USHBP1: variants seen among roughly 807,000 people sequenced by gnomAD.
USHBP1 encodes USH1 protein network component harmonin binding protein 1.
USHBP1 carries 67 observed loss-of-function variants against 76.2 expected under a neutral mutation model. That is an observed-to-expected ratio of 0.88 (90% CI 0.72 to 1.08). The LOEUF (loss-of-function observed/expected upper bound fraction) is 1.08. USHBP1 is among the 50% of genes least tolerant of loss of function. The pLI is 0.00. For synonymous variants in USHBP1, 322 were observed against 362.2 expected (o/e 0.89, Z 1.26); for missense variants, 931 against 915.0 (o/e 1.02, Z -0.23).
intron 12 of USHBP1, 132 bp downstream of exon 12, chr19:17,251,450 C>T (rs2145577123): frequency 7.9e-7 from 1 of 1,270,522 alleles, no homozygotes; most frequent in Non-Finnish European, 1.1e-6. Flanking sequence ...AGGTGTGAGC[C>T]ACCACACCTG....
intron 12 of USHBP1, 106 bp downstream of exon 12, chr19:17,251,476 C>A: frequency 1.3e-6 from 2 of 1,487,420 alleles, no homozygotes; most frequent in Non-Finnish European, 1.8e-6. Context: ...TACTGCCTAT[C>A]TTGGGGCAGT....
chr19:17,262,128 GTAGCTGGGAT>G (rs1268968652), intron 4 of USHBP1, among the ~76,000 whole-genome samples: 1 of 151,840 alleles, frequency 6.6e-6, no homozygotes, highest in Non-Finnish European at 1.5e-5. Flanking sequence ...AGCCTCCTGA[GTAGCTGGGAT>G]TACAGGCCTA....
At position 17,262,565 on chromosome 19, in the gene USHBP1, G is replaced by T. The variant is rs756959688; in HGVS notation, c.629C>A (p.Thr210Lys). 1.9e-6 allele frequency: 3 copies of T among 1,606,250 alleles called. No individual in the cohort carries two copies. The highest frequency in any genetic ancestry group is 2.6e-6 in the Non-Finnish European group (3 of 1,174,904). Reference protein sequence around the residue: ...SLEAIRAEKETLQKEVQELQD... With the variant: ...SLEAIRAEKEKLQKEVQELQD... ...GGCCCCACTCACCTCTTTCTGCAGC[G>T]TCTCCTTCTCAGCTCGGATGGCCTC... is the stretch of plus-strand genomic sequence containing the variant. The change falls in exon 4 of 13, where the codon ACG (threonine) becomes AAG (lysine). Residue 210 changes from threonine (T) to lysine (K), a missense_variant. By Grantham distance (78) the Thr-to-Lys change is moderately conservative. Coordinates refer to ENST00000252597, the MANE Select transcript of USHBP1 (RefSeq NM_031941.4).
At position 17,256,687 on chromosome 19, in the gene USHBP1, T is replaced by C. The variant is rs1174118709; in HGVS notation, c.1254A>G (p.Pro418=). 1 of 1,614,120 alleles carries C rather than the reference T, an allele frequency of 6.2e-7. No individual in the cohort carries two copies. The highest frequency in any genetic ancestry group is 2.2e-5 in the East Asian group (1 of 44,888). ...TTCGGAGCTGGAAAGCCACTTCCTG[T>C]GGGGTGGGCTTATCCACACTGCTGC... is the stretch of plus-strand genomic sequence containing the variant. ...PEGSSVDKPT[P]QEVAFQLRSY... is the part of the protein sequence containing the mutation. The change falls in exon 9 of 13, where the codon CCA becomes CCG. Residue 418 remains proline, a synonymous_variant. Coordinates refer to ENST00000252597, the MANE Select transcript of USHBP1 (RefSeq NM_031941.4).
rs760789479 is a variant in USHBP1 at position 17,264,072 on chromosome 19, G to A, written c.133C>T (p.Pro45Ser). 9 of 1,613,756 alleles carry A rather than the reference G, an allele frequency of 5.6e-6. No individual in the cohort carries two copies. In the East Asian group the frequency reaches 6.7e-5, roughly 12 times the overall value. ...TGCTCCAGCCCGGAGCTCACCGGAGGTGGGGCAAAGCTGGGCTTGGAGCTC... is the reference window on the plus strand; with the variant it reads ...TGCTCCAGCCCGGAGCTCACCGGAGATGGGGCAAAGCTGGGCTTGGAGCTC... ...SGSSKPSFAP[P>S]PVSSGLEQLG... Residue 45 changes from proline to serine, a missense_variant, in exon 3 of 13, where the codon CCT becomes TCT. Coordinates refer to ENST00000252597, the MANE Select transcript of USHBP1 (RefSeq NM_031941.4).
At position 17,251,938 on chromosome 19, in the gene USHBP1, G is replaced by C; in HGVS notation, c.1772C>G (p.Ala591Gly). The C allele has an allele frequency of 6.5e-7, 1 of 1,546,926 alleles. No individual in the cohort carries two copies. The highest frequency in any genetic ancestry group is 8.7e-7 in the Non-Finnish European group (1 of 1,146,894). Residue 591 changes from alanine to glycine, a missense_variant, in exon 11 of 13, where the codon GCC becomes GGC. By Grantham distance (60) the Ala-to-Gly change is moderately conservative. Coordinates refer to ENST00000252597, the MANE Select transcript of USHBP1 (RefSeq NM_031941.4). ...GGTGAGCGATGCTGCCAGTTCCTGG[G>C]CTAACTTCTCTGGGTCCCAGGCTCT... ...VGRAWDPEKL[A>G]QELAASLTRT...
intron 7 of USHBP1, chr19:17,258,829 G>T (rs548433102): frequency 4.1e-6 from 1 of 243,754 alleles, no homozygotes; most frequent in East Asian, 1.3e-4. Flanking sequence ...CTCAGCTCTG[G>T]AAGCATGCAG....
chr19:17,261,337 C>CTTTCTT (rs747378053), intron 4 of USHBP1, among the ~76,000 whole-genome samples: 18,465 of 123,478 alleles, frequency 0.15, 1,536 homozygotes, highest in East Asian at 0.23. Context: ...TTCTTTCTTT[C>CTTTCTT]TTTTTTTTTT....
At chr19:17,259,458 G>T in intron 6 of USHBP1, 29 bp from the exon 7 acceptor site, 3 of 1,613,278 alleles carry the variant, frequency 1.9e-6, no homozygotes, top group East Asian at 2.2e-5. Context: ...AAGAGGGAAA[G>T]TCAGAGGCCT....
chr19:17,264,032 T>A lies in USHBP1; in HGVS notation c.173A>T (p.Glu58Val). 1 of 1,608,732 alleles carries A rather than the reference T, an allele frequency of 6.2e-7. No homozygotes were observed. Among genetic ancestry groups the A allele is most frequent in the Non-Finnish European group, 8.5e-7 (1 of 1,177,358 alleles). Residue 58 changes from glutamate (E) to valine (V), a missense_variant, in exon 3 of 13, where the codon GAG becomes GTG. Glu to Val is a moderately radical substitution (Grantham distance 121). Coordinates refer to ENST00000252597, the MANE Select transcript of USHBP1 (RefSeq NM_031941.4). ...SSGLEQLGPM[E>V]EVSGQGLGSR... The stretch of plus-strand genomic sequence containing the variant: ...TCCTAGGCCTTGGCCACTGACCTCC[T>A]CCATGGGGCCCAGCTGCTCCAGCCC...
At position 17,260,045 on chromosome 19, in the gene USHBP1, C is replaced by T. The variant is rs777134275; in HGVS notation, c.643-23G>A. Reference sequence around the variant, plus strand: ...AACCTGGGAAAGATGAGGGGGACGTCAGGCCTAGGGGCTCAAACCAACCAC... The same window carrying T: ...AACCTGGGAAAGATGAGGGGGACGTTAGGCCTAGGGGCTCAAACCAACCAC... On this transcript the variant is annotated intron_variant, in intron 4 of 12. Coordinates refer to ENST00000252597, the MANE Select transcript of USHBP1 (RefSeq NM_031941.4). 2.5e-6 allele frequency: 4 copies of T among 1,607,622 alleles called. No individual in the cohort carries two copies. In the Admixed American group the frequency reaches 6.7e-5, roughly 27 times the overall value.
In USHBP1 at chr19:17,250,413, C is replaced by T. The variant is rs149330279; in HGVS notation, c.1924G>A (p.Ala642Thr). 11 of 1,611,316 alleles carry T rather than the reference C, an allele frequency of 6.8e-6. No homozygotes were observed. Among genetic ancestry groups the T allele is most frequent in the African/African-American group, 2.7e-5 (2 of 74,916 alleles). The change falls in exon 13 of 13, where the codon GCC (alanine) becomes ACC (threonine). Residue 642 changes from alanine to threonine, a missense_variant and splice_region_variant. By Grantham distance (58) the Ala-to-Thr change is moderately conservative. Coordinates refer to ENST00000252597, the MANE Select transcript of USHBP1 (RefSeq NM_031941.4). Reference protein sequence around the residue: ...LNRDLCKAHSALVLAFRGAHR... With the variant: ...LNRDLCKAHSTLVLAFRGAHR... ...GCTCCTCGGAAGGCCAGGACCAGGG[C>T]GCTGGAAGGGGTGGGTGGCTGGGTC...
chr19:17,251,556 A>C, intron 12 of USHBP1, 26 bp downstream of exon 12: 1 of 1,611,356 alleles, frequency 6.2e-7, no homozygotes. Flanking sequence ...TGCCAGGGGG[A>C]TTGGGGGGAT....
At chr19:17,259,551 A>C in intron 6 of USHBP1, 45 bp downstream of exon 6, 2 of 1,601,904 alleles carry the variant, frequency 1.2e-6, no homozygotes, top group Non-Finnish European at 1.7e-6. Context: ...ACTCAGTTGG[A>C]GGAGGTGCCT....
Position 17,251,693 on chromosome 19 carries a change from AG to A in USHBP1, c.1810del (p.Leu604CysfsTer29), listed in dbSNP as rs2073554362. 6.2e-7 allele frequency: 1 copy of A among 1,613,394 alleles called. No individual in the cohort carries two copies. The highest frequency in any genetic ancestry group is 2.2e-5 in the East Asian group (1 of 44,880). ...LAASLTRTLD[L>X]QEQLQSLRRE... ...GCGCAGAGACTGCAGCTGCTCCTGC[AG>A]GTCCAGTGTCCTGTTGCGAAGGAGA... is the stretch of plus-strand genomic sequence containing the variant. On this transcript the variant is annotated frameshift_variant, in exon 12 of 13. Transcript: ENST00000252597. LOFTEE classifies it high-confidence loss of function.
intron 12 of USHBP1, among the ~76,000 whole-genome samples, chr19:17,251,166 G>GTTTTT (rs1315942809): frequency 4.5e-5 from 3 of 66,450 alleles, no homozygotes; most frequent in Non-Finnish European, 2.6e-5. Flanking sequence ...GGCCCAGCCT[G>GTTTTT]TTGTTTTTTT....
chr19:17,252,385 G>A (rs1400948696), intron 10 of USHBP1, among the ~76,000 whole-genome samples: 4 of 151,684 alleles, frequency 2.6e-5, no homozygotes, highest in East Asian at 3.9e-4. Flanking sequence ...TAGTAGAGAC[G>A]GAGTTTCACC....
At chr19:17,262,515 CAG>C in intron 4 of USHBP1, 35 bp downstream of exon 4, 7 of 1,565,428 alleles carry the variant, frequency 4.5e-6, no homozygotes, top group East Asian at 2.3e-5. Flanking sequence ...CTCCCTCAGA[CAG>C]AGAGCCACAT....
chr19:17,254,203 C>T (rs1350151778), intron 10 of USHBP1, among the ~76,000 whole-genome samples: 2 of 151,730 alleles, frequency 1.3e-5, no homozygotes, highest in Admixed American at 6.6e-5. Context: ...AAAAATTAGC[C>T]GGGTGTGGTG....
Sources: gnomAD v4.1 joint callset for allele counts (sites outside exome capture counted in the v4.1 genomes callset) on GRCh38, gnomAD v4.1.1 for gene constraint, MANE v1.5 for transcripts, NCBI Gene and HGNC (gene_info 2026-07-23, HGNC 2026-07-21) for gene names.